The following RAPGEF5 variants were observed in gnomAD, a reference collection of about 807,000 sequenced individuals.
The protein encoded by RAPGEF5 is Rap guanine nucleotide exchange factor 5.
Under a neutral mutation model 125.2 loss-of-function variants are expected in RAPGEF5, and 65 were observed. That is an observed-to-expected ratio of 0.52 (90% CI 0.43 to 0.64). RAPGEF5 has a LOEUF of 0.64. Ranked by LOEUF, RAPGEF5 falls within the 30% of genes least tolerant of loss-of-function variation. The pLI is 0.00. For synonymous variants in RAPGEF5, 391 were observed against 385.9 expected (o/e 1.01, Z -0.16); for missense variants, 958 against 1,048.1 (o/e 0.91, Z 1.19).
At chr7:22,269,180 C>CAAAA (rs34791723) in intron 6 of RAPGEF5, among the ~76,000 whole-genome samples, 2 of 73,846 alleles carry the variant, frequency 2.7e-5, no homozygotes, top group African/African-American at 4.0e-5. Context: ...AAGTTTTTGA[C>CAAAA]AAAAAAAAAA....
chr7:22,195,323 A>G (rs1785122155), intron 9 of RAPGEF5, among the ~76,000 whole-genome samples: 1 of 152,234 alleles, frequency 6.6e-6, no homozygotes, highest in Non-Finnish European at 1.5e-5. Context: ...CAAATCACTG[A>G]TAACAATTGT....
intron 7 of RAPGEF5, among the ~76,000 whole-genome samples, chr7:22,253,108 T>C (rs557137919): frequency 7.6e-4 from 116 of 152,276 alleles, no homozygotes; most frequent in African/African-American, 2.7e-3. Flanking sequence ...TGAGTTATTA[T>C]AGCACTGGAG....
intron 1 of RAPGEF5, among the ~76,000 whole-genome samples, chr7:22,346,017 G>T (rs566988526): frequency 1.3e-5 from 2 of 152,182 alleles, no homozygotes; most frequent in African/African-American, 4.8e-5. Context: ...CTCTCCAACT[G>T]AAGAGATGTG....
intron 1 of RAPGEF5, among the ~76,000 whole-genome samples, chr7:22,325,065 T>A (rs1426180615): frequency 6.6e-6 from 1 of 152,152 alleles, no homozygotes; most frequent in Non-Finnish European, 1.5e-5. Flanking sequence ...CTCTGTGCAC[T>A]TTCCTGTATT....
Position 22,167,084 on chromosome 7 carries a change from C to T in RAPGEF5, c.1269G>A (p.Gln423=), listed in dbSNP as rs375674675. The T allele has an allele frequency of 3.1e-5, 50 of 1,612,358 alleles. No individual in the cohort carries two copies. The African/African-American group carries it at 5.7e-4, about 19-fold the overall frequency. ...TVFMTTDDLC[Q]ALLRHYSAKK... is the part of the protein sequence containing the mutation. ...ATGAAGGATATTGCCTTAACAGAGC[C>T]TGGCACAAGTCATCAGTTGTCATGA... The change falls in exon 12 of 26, where the codon CAG becomes CAA. Residue 423 remains glutamine (Q), a synonymous_variant. Transcript: ENST00000665637.
intron 1 of RAPGEF5, among the ~76,000 whole-genome samples, chr7:22,326,982 C>G (rs1783827111): frequency 6.6e-6 from 1 of 152,074 alleles, no homozygotes; most frequent in Non-Finnish European, 1.5e-5. Context: ...TACATATGTA[C>G]AGCTTTTTGT....
At chr7:22,319,992 T>C (rs1783684054) in intron 1 of RAPGEF5, among the ~76,000 whole-genome samples, 1 of 152,126 alleles carries the variant, frequency 6.6e-6, no homozygotes, top group African/African-American at 2.4e-5. Context: ...ACCTCCCCCA[T>C]GGATGGCTTG....
chr7:22,145,985 T>C (rs1783427966), intron 19 of RAPGEF5, among the ~76,000 whole-genome samples: 1 of 152,056 alleles, frequency 6.6e-6, no homozygotes, highest in Non-Finnish European at 1.5e-5. Context: ...TGTGTGTGTG[T>C]GTGTGTGTGT....
chr7:22,173,619 T>C (rs1472142273), intron 11 of RAPGEF5, among the ~76,000 whole-genome samples: 1 of 152,222 alleles, frequency 6.6e-6, no homozygotes, highest in East Asian at 1.9e-4. Context: ...AAAATTCAGT[T>C]TTAGAATCCT....
intron 9 of RAPGEF5, among the ~76,000 whole-genome samples, chr7:22,218,259 G>A (rs4722113): frequency 0.41 from 62,915 of 151,868 alleles, 13,444 homozygotes; most frequent in East Asian, 0.69. Flanking sequence ...CAACACAGAG[G>A]TATCTTTTTA....
At chr7:22,158,951 T>C (rs1343225654) in intron 14 of RAPGEF5, among the ~76,000 whole-genome samples, 1 of 152,222 alleles carries the variant, frequency 6.6e-6, no homozygotes, top group Non-Finnish European at 1.5e-5. Context: ...TTTCTTAATA[T>C]CATTTTCTTA....
intron 7 of RAPGEF5, among the ~76,000 whole-genome samples, chr7:22,263,635 CAGG>C (rs1489964980): frequency 6.6e-6 from 1 of 151,560 alleles, no homozygotes; most frequent in Non-Finnish European, 1.5e-5. Flanking sequence ...GAGGCTGAAG[CAGG>C]AGAATTGTTT....
chr7:22,230,911 G>C lies in RAPGEF5; in HGVS notation c.805C>G (p.Gln269Glu). ...ALKARKSAIE[Q>E]DEENNDKHVA... ...TGTTTGTCGTTGTTTTCTTCATCTT[G>C]TTCAATTGCTTAAAAAAAAGAACAC... Residue 269 changes from glutamine to glutamate, a missense_variant, in exon 8 of 26, where the codon CAA becomes GAA. By Grantham distance (29) the Gln-to-Glu change is conservative (BLOSUM62 2). Transcript: ENST00000665637. 1 of 1,558,692 alleles carries C rather than the reference G, an allele frequency of 6.4e-7. No homozygotes were observed. Among genetic ancestry groups the C allele is most frequent in the South Asian group, 1.2e-5 (1 of 84,726 alleles).
intron 11 of RAPGEF5, among the ~76,000 whole-genome samples, chr7:22,190,517 A>G (rs1784960582): frequency 6.6e-6 from 1 of 152,200 alleles, no homozygotes; most frequent in African/African-American, 2.4e-5. Context: ...TACTATATGA[A>G]TTTAGTTGTT....
chr7:22,287,490 TACC>T (rs1383314765), intron 6 of RAPGEF5, among the ~76,000 whole-genome samples: 1 of 152,082 alleles, frequency 6.6e-6, no homozygotes. Flanking sequence ...CATGCAAAAA[TACC>T]ACATTTGAAT....
At chr7:22,328,065 G>A (rs142975557) in intron 1 of RAPGEF5, among the ~76,000 whole-genome samples, 5 of 152,304 alleles carry the variant, frequency 3.3e-5, no homozygotes, top group South Asian at 2.1e-4. Flanking sequence ...CTACTAGACC[G>A]TAAGCTTTTC....
At chr7:22,297,649 A>G (rs987041378) in intron 5 of RAPGEF5, among the ~76,000 whole-genome samples, 16 of 152,260 alleles carry the variant, frequency 1.1e-4, no homozygotes, top group African/African-American at 3.6e-4. Flanking sequence ...ATGGCCAGTG[A>G]TGGCTGAAGA....
chr7:22,141,524 C>T (rs1195723574), intron 20 of RAPGEF5, among the ~76,000 whole-genome samples: 1 of 152,224 alleles, frequency 6.6e-6, no homozygotes, highest in Non-Finnish European at 1.5e-5. Context: ...GCCGGCCCCA[C>T]AGGTTAGGTA....
chr7:22,294,490 A>T (rs1783014073), intron 5 of RAPGEF5, among the ~76,000 whole-genome samples: 1 of 152,036 alleles, frequency 6.6e-6, no homozygotes, highest in Non-Finnish European at 1.5e-5. Context: ...GATGACAAAA[A>T]CCTATGGTCC....
Sources: gnomAD v4.1 joint callset for allele counts (sites outside exome capture counted in the v4.1 genomes callset) on GRCh38, gnomAD v4.1.1 for gene constraint, MANE v1.5 for transcripts, NCBI Gene and HGNC (gene_info 2026-07-23, HGNC 2026-07-21) for gene names.